Variants in TIAM1 observed in about 807,000 individuals in gnomAD.
The protein encoded by TIAM1 is TIAM Rac1 associated GEF 1.
Under a neutral mutation model 163.5 loss-of-function variants are expected in TIAM1, and 65 were observed. That is an observed-to-expected ratio of 0.40 (90% CI 0.33 to 0.49). The LOEUF (loss-of-function observed/expected upper bound fraction) is 0.49. Among genes scored for constraint, TIAM1 ranks in the 20% least tolerant of loss-of-function variants. The pLI, the probability that TIAM1 is intolerant of heterozygous loss-of-function variation, is 0.77. For synonymous variants in TIAM1, 833 were observed against 810.1 expected (o/e 1.03, Z -0.48); for missense variants, 1,789 against 2,044.7 (o/e 0.87, Z 2.41).
chr21:31,399,704 G>A (rs1222026076), intron 2 of TIAM1, among the ~76,000 whole-genome samples: 3 of 152,124 alleles, frequency 2.0e-5, no homozygotes, highest in Non-Finnish European at 4.4e-5. Flanking sequence ...AATTCAATAT[G>A]ACATTTAGCA....
chr21:31,510,457 T>C (rs1324221263), intron 1 of TIAM1, among the ~76,000 whole-genome samples: 3 of 152,160 alleles, frequency 2.0e-5, no homozygotes, highest in African/African-American at 7.2e-5. Flanking sequence ...GTAATGAGGG[T>C]TCGGGATTCA....
intron 2 of TIAM1, among the ~76,000 whole-genome samples, chr21:31,334,554 C>T (rs1381134780): frequency 1.3e-5 from 2 of 152,126 alleles, no homozygotes; most frequent in South Asian, 2.1e-4. Flanking sequence ...CTTGACTCTC[C>T]GGGGATTTCA....
At chr21:31,166,067 GGGAACA>G (rs1340658069) in intron 15 of TIAM1, among the ~76,000 whole-genome samples, 1 of 152,200 alleles carries the variant, frequency 6.6e-6, no homozygotes, top group Non-Finnish European at 1.5e-5. Flanking sequence ...GGATCCCCAG[GGGAACA>G]TGTTTAATGC....
chr21:31,250,688 T>A (rs1194676237), intron 5 of TIAM1, among the ~76,000 whole-genome samples: 1 of 152,232 alleles, frequency 6.6e-6, no homozygotes, highest in Non-Finnish European at 1.5e-5. Flanking sequence ...CTGCCATGTA[T>A]TAACCCTGTT....
At chr21:31,519,305 CAAAAAAAAAAAAAAAA>C (rs369132676) in intron 1 of TIAM1, among the ~76,000 whole-genome samples, 1 of 53,130 alleles carries the variant, frequency 1.9e-5, no homozygotes, top group East Asian at 6.9e-4. Flanking sequence ...AACTCTGTCT[CAAAAAAAAAAAAAAAA>C]AAAAAAAGAA....
intron 2 of TIAM1, among the ~76,000 whole-genome samples, chr21:31,286,361 C>T (rs892497437): frequency 6.6e-6 from 1 of 151,946 alleles, no homozygotes; most frequent in Non-Finnish European, 1.5e-5. Flanking sequence ...CCCAGGAGTT[C>T]GAGACCAGTC....
At chr21:31,248,886 C>T (rs1370091539) in intron 5 of TIAM1, among the ~76,000 whole-genome samples, 1 of 152,114 alleles carries the variant, frequency 6.6e-6, no homozygotes, top group Non-Finnish European at 1.5e-5. Flanking sequence ...TGCTCCTGGA[C>T]ACCTGCACCC....
At chr21:31,139,374 CTTA>C (rs2082745409) in intron 22 of TIAM1, among the ~76,000 whole-genome samples, 1 of 151,944 alleles carries the variant, frequency 6.6e-6, no homozygotes, top group Admixed American at 6.5e-5. Context: ...GGGAGGACTT[CTTA>C]TAATAAAAAA....
chr21:31,294,822 C>T (rs187071415), intron 2 of TIAM1, among the ~76,000 whole-genome samples: 6 of 152,288 alleles, frequency 3.9e-5, no homozygotes, highest in Admixed American at 2.0e-4. Flanking sequence ...GCCTCACTCG[C>T]ACAAGCACGG....
At chr21:31,282,219 T>A (rs1408027322) in intron 2 of TIAM1, among the ~76,000 whole-genome samples, 1 of 152,180 alleles carries the variant, frequency 6.6e-6, no homozygotes, top group African/African-American at 2.4e-5. Flanking sequence ...CAAACAGGCA[T>A]CTCCACTGGT....
intron 1 of TIAM1, among the ~76,000 whole-genome samples, chr21:31,530,753 C>T (rs2047943693): frequency 1.3e-5 from 2 of 152,158 alleles, no homozygotes; most frequent in South Asian, 4.1e-4. Context: ...GACCCCGGAC[C>T]CCTGGCCTGG....
At chr21:31,502,479 C>T (rs965382023) in intron 1 of TIAM1, among the ~76,000 whole-genome samples, 1 of 152,082 alleles carries the variant, frequency 6.6e-6, no homozygotes, top group Non-Finnish European at 1.5e-5. Context: ...ATGTCCATTA[C>T]TACCACAACC....
chr21:31,342,550 C>A (rs141551161), intron 1 of TIAM1, among the ~76,000 whole-genome samples: 53 of 152,270 alleles, frequency 3.5e-4, no homozygotes, highest in African/African-American at 1.3e-3. Flanking sequence ...AATTATTGTT[C>A]CATAAAACTC....
intron 2 of TIAM1, among the ~76,000 whole-genome samples, chr21:31,415,306 T>C (rs1409656596): frequency 1.3e-5 from 2 of 152,220 alleles, no homozygotes; most frequent in African/African-American, 4.8e-5. Context: ...TATTCATAGC[T>C]GCCAATGAAG....
chr21:31,296,078 C>T (rs1464238454), intron 2 of TIAM1, among the ~76,000 whole-genome samples: 5 of 152,130 alleles, frequency 3.3e-5, no homozygotes, highest in Non-Finnish European at 5.9e-5. Flanking sequence ...GGATTACAGG[C>T]GTGAGCCACC....
intron 1 of TIAM1, among the ~76,000 whole-genome samples, chr21:31,530,943 G>T (rs1211260692): frequency 6.6e-6 from 1 of 152,026 alleles, no homozygotes; most frequent in African/African-American, 2.4e-5. Flanking sequence ...AACAGTCCTG[G>T]CTCCAAGTCA....
At chr21:31,197,581 C>T (rs1414201307) in intron 12 of TIAM1, among the ~76,000 whole-genome samples, 2 of 142,318 alleles carry the variant, frequency 1.4e-5, no homozygotes, top group Non-Finnish European at 3.0e-5. Context: ...CAGGGTTTCA[C>T]CATAGTCTCG....
intron 2 of TIAM1, among the ~76,000 whole-genome samples, chr21:31,337,937 G>A (rs1181116602): frequency 6.6e-6 from 1 of 152,054 alleles, no homozygotes; most frequent in African/African-American, 2.4e-5. Flanking sequence ...CTTTGGCTCC[G>A]CTCTCTGTTG....
chr21:31,533,827 T>C (rs956884053), intron 1 of TIAM1, among the ~76,000 whole-genome samples: 1 of 152,232 alleles, frequency 6.6e-6, no homozygotes, highest in South Asian at 2.1e-4. Flanking sequence ...ATGCTGACAG[T>C]ACTTCCCAAT....
Sources: allele counts gnomAD v4.1 joint callset (sites outside exome capture counted in the v4.1 genomes callset), GRCh38; gene constraint gnomAD v4.1.1; transcripts MANE v1.5; gene names NCBI Gene and HGNC (gene_info 2026-07-23, HGNC 2026-07-21).